Variants in LAMC3 observed in about 807,000 individuals in gnomAD.
The protein encoded by LAMC3 is laminin subunit gamma-3.
Under a neutral mutation model 173.8 loss-of-function variants are expected in LAMC3, and 128 were observed. That is an observed-to-expected ratio of 0.74 (90% CI 0.64 to 0.85). The LOEUF is 0.85. Ranked by LOEUF, LAMC3 falls within the 40% of genes least tolerant of loss-of-function variation. The probability of loss-of-function intolerance (pLI) is 0.00; values close to 1 mark genes in which losing one functional copy is unlikely to be tolerated. For synonymous variants in LAMC3, 897 were observed against 909.1 expected, an observed-to-expected ratio of 0.99 and a Z score of 0.24; for missense variants, 2,022 against 2,156.0, an observed-to-expected ratio of 0.94 and a Z score of 1.23.
chr9:131,056,807 T>G, intron 11 of LAMC3, 122 bp from the exon 12 acceptor site: 1 of 785,652 alleles, frequency 1.3e-6, no homozygotes, highest in Non-Finnish European at 2.3e-6. Context: ...GAAAAATCAT[T>G]GATTGCTAGT....
At chr9:131,082,771 C>A (rs1830262922) in intron 24 of LAMC3, among the ~76,000 whole-genome samples, 1 of 152,232 alleles carries the variant, frequency 6.6e-6, no homozygotes, top group Non-Finnish European at 1.5e-5. Flanking sequence ...TTTGTGGCTC[C>A]TTATCCAACG....
In LAMC3 at chr9:131,067,163, T is replaced by G. The variant is rs778992862; in HGVS notation, c.2551T>G (p.Tyr851Asp). The G allele has an allele frequency of 6.2e-7, 1 of 1,614,168 alleles. No individual in the cohort carries two copies. The highest frequency in any genetic ancestry group is 1.1e-5 in the South Asian group (1 of 91,090). The change falls in exon 14 of 28, where the codon TAC (tyrosine) becomes GAC (aspartate). Residue 851 changes from tyrosine (Y) to aspartate (D), a missense_variant. Tyr to Asp is a radical substitution (Grantham distance 160, BLOSUM62 -3). Transcript: ENST00000361069. ...CTGTGAGCACTGTCAGGAAGGCTTC[T>G]ACGGGAGCGCCCTGGCCCCTCGACC... The part of the protein sequence containing the change: ...DHCEHCQEGF[Y>D]GSALAPRPAD...
At chr9:131,031,029 C>T (rs1833814038) in intron 2 of LAMC3, among the ~76,000 whole-genome samples, 1 of 152,242 alleles carries the variant, frequency 6.6e-6, no homozygotes, top group African/African-American at 2.4e-5. Flanking sequence ...TGTTTGGGTG[C>T]TGGACCCCTC....
chr9:131,012,576 G>GGGGGCC lies in LAMC3; in HGVS notation c.373+2989_373+2990insGGGGCC, dbSNP rs1564361054. 8.5e-5 allele frequency among the ~76,000 whole-genome samples: 13 copies of GGGGGCC among 152,346 alleles called. No homozygotes were observed. The East Asian group carries it at 9.7e-4, about 11-fold the overall frequency. ...GCACAAGGGGCGCCGGGGGCCCAGC[G>GGGGGCC]CAGCCCCAGATTTGGCCTCTTTTTG... is the stretch of plus-strand genomic sequence containing the variant. On this transcript the variant is annotated intron_variant, in intron 1 of 27. Transcript: ENST00000361069.
chr9:131,070,898 G>A (rs544235562), intron 17 of LAMC3, among the ~76,000 whole-genome samples: 1 of 152,292 alleles, frequency 6.6e-6, no homozygotes, highest in Non-Finnish European at 1.5e-5. Flanking sequence ...TTTTGCTCTC[G>A]AGTGAGGAAT....
In LAMC3 at chr9:131,092,167, G is replaced by A. The variant is rs1470995911; in HGVS notation, c.*380G>A. On this transcript the variant is annotated 3_prime_UTR_variant, in exon 28 of 28. Transcript: ENST00000361069. ...ACATTACAGTCCACAGCTGTTGTGA[G>A]AGCCACCTGTGTGCTGGACACCCTC... 3 of 286,572 alleles carry A rather than the reference G, an allele frequency of 1.0e-5. No individual in the cohort carries two copies. Among genetic ancestry groups the A allele is most frequent in the Non-Finnish European group, 2.0e-5 (3 of 148,038 alleles). 17.8% of individuals were successfully genotyped at this position (286,572 alleles called of 1,614,324 possible).
At position 131,087,617 on chromosome 9, in the gene LAMC3, G is replaced by A. The variant is rs768009575; in HGVS notation, c.4372G>A (p.Glu1458Lys). The A allele has an allele frequency of 3.1e-6, 5 of 1,613,952 alleles. No individual in the cohort carries two copies. The highest frequency in any genetic ancestry group is 4.5e-5 in the East Asian group (2 of 44,880). ...EARRQELEEA[E>K]RVGAGLSEME... The stretch of plus-strand genomic sequence containing the variant: ...ACGCAGACAGGAGCTGGAGGAAGCT[G>A]AGCGGGTACGTTTGCCAGGGCCCCT... Residue 1458 changes from glutamate to lysine, a missense_variant, in exon 26 of 28, where the codon GAG becomes AAG. Glu to Lys is a moderately conservative substitution (Grantham distance 56). Transcript: ENST00000361069.
At position 131,052,706 on chromosome 9, in the gene LAMC3, A is replaced by C. The variant is rs544226814; in HGVS notation, c.1823+23A>C. The C allele has an allele frequency of 5.0e-6, 8 of 1,601,918 alleles. No individual in the cohort carries two copies. The South Asian group carries it at 7.7e-5, about 15-fold the overall frequency. On this transcript the variant is annotated intron_variant, in intron 10 of 27. Coordinates refer to ENST00000361069, the MANE Select transcript of LAMC3 (RefSeq NM_006059.4). ...CCAGTAAGTATCCCCTTCTGTCCTG[A>C]GAGATGGGGAGGTGAGAGGGGTGGT...
chr9:131,033,748 C>T (rs1447256510), intron 3 of LAMC3, among the ~76,000 whole-genome samples: 2 of 152,028 alleles, frequency 1.3e-5, no homozygotes, highest in Non-Finnish European at 2.9e-5. Context: ...GTGTGGGGCG[C>T]GTGGGTCTGA....
At position 131,061,108 on chromosome 9, in the gene LAMC3, T is replaced by G; in HGVS notation, c.2232T>G (p.Pro744=). The G allele has an allele frequency of 6.2e-7, 1 of 1,614,022 alleles. No individual in the cohort carries two copies. The highest frequency in any genetic ancestry group is 8.5e-7 in the Non-Finnish European group (1 of 1,180,024). Residue 744 remains proline, a synonymous_variant, in exon 13 of 28, where the codon CCT becomes CCG. Coordinates refer to ENST00000361069, the MANE Select transcript of LAMC3 (RefSeq NM_006059.4). ...ERCLPGFYGN[P]FAGQADDCQP... Reference sequence around the variant, plus strand: ...GTTTGCCAGGTTTCTATGGCAACCCTTTCGCGGGCCAAGCCGACGACTGCC... The same window carrying G: ...GTTTGCCAGGTTTCTATGGCAACCCGTTCGCGGGCCAAGCCGACGACTGCC...
chr9:131,017,091 G>A (rs966301636), intron 1 of LAMC3, among the ~76,000 whole-genome samples: 19 of 152,318 alleles, frequency 1.2e-4, no homozygotes, highest in South Asian at 6.2e-4. Flanking sequence ...TGGTGTCTGC[G>A]CCTGTTTGGA....
chr9:131,073,275 A>T lies in LAMC3; in HGVS notation c.3448A>T (p.Thr1150Ser). 6.2e-7 allele frequency: 1 copy of T among 1,613,766 alleles called. No homozygotes were observed. Among genetic ancestry groups the T allele is most frequent in the Non-Finnish European group, 8.5e-7 (1 of 1,180,000 alleles). Residue 1150 changes from threonine (T) to serine (S), a missense_variant, in exon 20 of 28, where the codon ACC (threonine) becomes TCC (serine). Transcript: ENST00000361069. ...EIPQEGPSQP[T>S]KWSHLATEAR... ...TCCTCAGGAAGGTCCCAGTCAGCCG[A>T]CCAAATGGAGCCACCTGGCCACAGA...
intron 24 of LAMC3, among the ~76,000 whole-genome samples, chr9:131,084,092 A>T (rs1285396673): frequency 2.0e-5 from 3 of 149,130 alleles, no homozygotes; most frequent in Non-Finnish European, 4.4e-5. Context: ...CAGGTTGGAC[A>T]GGCTGGTTTT....
At chr9:131,057,193 A>C in intron 12 of LAMC3, 46 bp downstream of exon 12, 1 of 1,530,486 alleles carries the variant, frequency 6.5e-7, no homozygotes, top group African/African-American at 1.4e-5. Context: ...GTTATACCCA[A>C]AACAGCGGGA....
At chr9:131,071,353 C>T (rs4740408) in intron 17 of LAMC3, 131 bp from the exon 18 acceptor site, 17 of 1,032,866 alleles carry the variant, frequency 1.6e-5, no homozygotes, top group Admixed American at 6.0e-5. Context: ...ATACCCTTAG[C>T]GCTGAGGCCC....
intron 12 of LAMC3, 58 bp downstream of exon 12, chr9:131,057,205 G>A (rs2133291512): frequency 6.8e-7 from 1 of 1,466,274 alleles, no homozygotes; most frequent in South Asian, 1.1e-5. Flanking sequence ...ACAGCGGGAT[G>A]AGTACTGACC....
intron 13 of LAMC3, among the ~76,000 whole-genome samples, chr9:131,062,380 T>C (rs1450859022): frequency 2.0e-5 from 3 of 152,042 alleles, no homozygotes; most frequent in African/African-American, 4.8e-5. Flanking sequence ...AAATAAAGTA[T>C]AATTCAATGA....
chr9:131,064,406 G>A (rs1829885166), intron 13 of LAMC3, among the ~76,000 whole-genome samples: 2 of 152,230 alleles, frequency 1.3e-5, no homozygotes, highest in African/African-American at 4.8e-5. Context: ...GCTCACGCCT[G>A]TAATCCCAGC....
In LAMC3 at chr9:131,091,894, C is replaced by A; in HGVS notation, c.*107C>A. 7.3e-7 allele frequency: 1 copy of A among 1,372,634 alleles called. No homozygotes were observed. The highest frequency in any genetic ancestry group is 9.9e-7 in the Non-Finnish European group (1 of 1,008,412). 85.0% of individuals were successfully genotyped at this position (1,372,634 alleles called of 1,614,324 possible). A position where few individuals can be genotyped will look rare whatever the true frequency, so the allele number is the denominator to read the frequency against. On this transcript the variant is annotated 3_prime_UTR_variant, in exon 28 of 28. Transcript: ENST00000361069. ...CCATACAGACATTCCCCGGAGCCGG[C>A]TGCTGTGAACTCGCCCCCGTGTGGA... is the stretch of plus-strand genomic sequence containing the variant.
Sources: gnomAD v4.1 joint callset for allele counts (sites outside exome capture counted in the v4.1 genomes callset) on GRCh38, gnomAD v4.1.1 for gene constraint, MANE v1.5 for transcripts, NCBI Gene and HGNC (gene_info 2026-07-23, HGNC 2026-07-21) for gene names.